Variants in CAMK2B observed in about 807,000 individuals in gnomAD.
The protein encoded by CAMK2B is calcium/calmodulin-dependent protein kinase type II subunit beta.
A neutral mutation model predicts 93.7 loss-of-function variants in CAMK2B; 27 were observed. The ratio of observed to expected loss-of-function variants is 0.29; its 90% confidence interval spans 0.21 to 0.40. The LOEUF (loss-of-function observed/expected upper bound fraction) is 0.40. Ranked by LOEUF, CAMK2B falls within the 10% of genes least tolerant of loss-of-function variation. The pLI, the probability that CAMK2B is intolerant of heterozygous loss-of-function variation, is 1.00. For missense variants in CAMK2B, 568 were observed against 895.8 expected, an observed-to-expected ratio of 0.63 and a Z score of 4.67; for synonymous variants, 374 against 358.8, an observed-to-expected ratio of 1.04 and a Z score of -0.48.
At chr7:44,304,808 C>A (rs1223270751) in intron 1 of CAMK2B, among the ~76,000 whole-genome samples, 1 of 152,016 alleles carries the variant, frequency 6.6e-6, no homozygotes, top group Non-Finnish European at 1.5e-5. Context: ...CAAACTAATG[C>A]CAGATGTTAA....
intron 10 of CAMK2B, 86 bp downstream of exon 10, chr7:44,242,132 C>T: frequency 1.4e-6 from 2 of 1,481,210 alleles, no homozygotes; most frequent in East Asian, 4.6e-5. Flanking sequence ...GGAACAGGAC[C>T]CTCTTGGGGT....
At chr7:44,270,383 C>A (rs74934471) in intron 2 of CAMK2B, among the ~76,000 whole-genome samples, 28 of 152,212 alleles carry the variant, frequency 1.8e-4, no homozygotes, top group African/African-American at 6.7e-4. Flanking sequence ...CTGGGGCTAC[C>A]TGGGGCTCTG....
intron 1 of CAMK2B, among the ~76,000 whole-genome samples, chr7:44,294,308 T>C (rs1204877235): frequency 1.3e-5 from 2 of 152,278 alleles, no homozygotes; most frequent in African/African-American, 4.8e-5. Context: ...CTGGGATGCA[T>C]GCTGCTGATG....
intron 12 of CAMK2B, among the ~76,000 whole-genome samples, chr7:44,240,279 G>C (rs1217509472): frequency 1.3e-5 from 2 of 152,180 alleles, no homozygotes; most frequent in Non-Finnish European, 2.9e-5. Context: ...AGCTCATCCA[G>C]AACTTGGAAG....
At chr7:44,262,363 G>A (rs1264340490) in intron 3 of CAMK2B, among the ~76,000 whole-genome samples, 1 of 152,208 alleles carries the variant, frequency 6.6e-6, no homozygotes, top group Non-Finnish European at 1.5e-5. Context: ...GGCAAGGCCT[G>A]GGCTCCAGGC....
At chr7:44,294,040 T>C (rs1437759200) in intron 1 of CAMK2B, among the ~76,000 whole-genome samples, 1 of 151,798 alleles carries the variant, frequency 6.6e-6, no homozygotes, top group African/African-American at 2.4e-5. Context: ...CAATCTGAGG[T>C]CGGGTGGGGT....
intron 1 of CAMK2B, among the ~76,000 whole-genome samples, chr7:44,324,144 C>T (rs1336021211): frequency 6.6e-6 from 1 of 152,240 alleles, no homozygotes; most frequent in African/African-American, 2.4e-5. Context: ...CCTCCAGCTC[C>T]GCACTCCACA....
In CAMK2B at chr7:44,218,717, CCT is replaced by C. The variant is rs2096363340; in HGVS notation, c.*806_*807del. 6.6e-6 allele frequency: 1 copy of C among 152,296 alleles called. No individual in the cohort carries two copies. The highest frequency in any genetic ancestry group is 1.5e-5 in the Non-Finnish European group (1 of 68,120). The allele number at this position is 152,296 out of a possible 1,614,324, so 9.4% of individuals were successfully genotyped here. On this transcript the variant is annotated 3_prime_UTR_variant, in exon 24 of 24. Transcript: ENST00000395749. ...GAGAGGCCCAAAACTAAGCTGTGCCCCTCTTTGCACTTTACTCCCCCAGAAGG... is the reference window on the plus strand; with the variant it reads ...GAGAGGCCCAAAACTAAGCTGTGCCCCTTTGCACTTTACTCCCCCAGAAGG...
chr7:44,235,158 C>T (rs2096614176), intron 13 of CAMK2B, among the ~76,000 whole-genome samples: 1 of 152,252 alleles, frequency 6.6e-6, no homozygotes, highest in Non-Finnish European at 1.5e-5. Flanking sequence ...ACTCAGAGGG[C>T]CTTGTCCCAG....
In CAMK2B at chr7:44,220,643, C is replaced by T. The variant is rs1327333288; in HGVS notation, c.1741G>A (p.Asp581Asn). The T allele has an allele frequency of 2.9e-5, 46 of 1,613,620 alleles. No homozygotes were observed. The highest frequency in any genetic ancestry group is 3.7e-5 in the Non-Finnish European group (44 of 1,179,938). ...EALGNLVEGM[D>N]FHRFYFENLL... is the part of the protein sequence containing the mutation. ...TTCTCGAAGTAGAATCTGTGGAAGT[C>T]CATCCCTTCAACCAGGTTGCCCAGT... The change falls in exon 22 of 24, where the codon GAC becomes AAC. Residue 581 changes from aspartate (D) to asparagine (N), a missense_variant. Asp to Asn is a conservative substitution (Grantham distance 23). Around this residue, in one of 4 missense-constraint regions of CAMK2B, gnomAD observed 116 missense variants for 188.0 expected, o/e 0.62. Transcript: ENST00000395749.
chr7:44,236,052 G>T (rs540796809), intron 13 of CAMK2B, among the ~76,000 whole-genome samples: 2 of 152,142 alleles, frequency 1.3e-5, no homozygotes, highest in Admixed American at 1.3e-4. Context: ...GGCCCACCCC[G>T]CCCTCCTGAG....
chr7:44,262,551 T>C (rs1291240266), intron 3 of CAMK2B, among the ~76,000 whole-genome samples: 1 of 152,182 alleles, frequency 6.6e-6, no homozygotes, highest in Non-Finnish European at 1.5e-5. Flanking sequence ...TCTTGTGGCT[T>C]TTCTTGAGGC....
At position 44,248,162 on chromosome 7, in the gene CAMK2B, T is replaced by C. The variant is rs1345626231; in HGVS notation, c.342-970A>G. Among the ~76,000 whole-genome samples the C allele has an allele frequency of 6.6e-6, 1 of 152,214 alleles. No homozygotes were observed. The highest frequency in any genetic ancestry group is 1.5e-5 in the Non-Finnish European group (1 of 68,024). ...GGATCTGAGGGGCTGGGCAGGGGGC[T>C]GTGTGTGCACAGCACTGAGCACACG... On this transcript the variant is annotated intron_variant, in intron 5 of 23. Transcript: ENST00000395749. This position sits in a 1 kb window ranked among gnomAD's most constrained non-coding sequence, Gnocchi z 4.1.
chr7:44,321,077 C>T (rs1009696736), intron 1 of CAMK2B, among the ~76,000 whole-genome samples: 4 of 152,172 alleles, frequency 2.6e-5, no homozygotes, highest in Admixed American at 6.5e-5. Context: ...CCAAGGCCCC[C>T]GAGGCAGGGA....
chr7:44,232,997 A>G, intron 15 of CAMK2B, 131 bp from the exon 16 acceptor site: 1 of 781,656 alleles, frequency 1.3e-6, no homozygotes, highest in South Asian at 1.5e-5. Flanking sequence ...AAAGAAGTGC[A>G]GAGCAGAGTG....
At position 44,220,759 on chromosome 7, in the gene CAMK2B, G is replaced by A. The variant is rs747198368; in HGVS notation, c.1674-49C>T. 8.3e-6 allele frequency: 13 copies of A among 1,571,952 alleles called. No homozygotes were observed. In the East Asian group the frequency reaches 2.6e-4, roughly 31 times the overall value. ...AGGGGCCCCGTGGACCCCTGACTCT[G>A]AGCAGGCCCCCCCAAGGGTCCCACA... On this transcript the variant is annotated intron_variant, in intron 21 of 23. Coordinates refer to ENST00000395749, the MANE Select transcript of CAMK2B (RefSeq NM_001220.5).
chr7:44,220,251 G>C lies in CAMK2B; in HGVS notation c.1812C>G (p.Asn604Lys). Residue 604 changes from asparagine to lysine, a missense_variant, in exon 23 of 24, where the codon AAC (asparagine) becomes AAG (lysine). Transcript: ENST00000395749. ...NSKPIHTTIL[N>K]PHVHVIGEDA... ...CCTCTCCAATGACGTGCACGTGTGG[G>C]TTCAGGATGGTCGTGTGGATCGGCT... The C allele has an allele frequency of 6.2e-7, 1 of 1,613,284 alleles. No homozygotes were observed. The highest frequency in any genetic ancestry group is 1.6e-4 in the Middle Eastern group (1 of 6,062).
intron 13 of CAMK2B, among the ~76,000 whole-genome samples, chr7:44,235,375 G>T (rs2096615896): frequency 6.6e-6 from 1 of 152,256 alleles, no homozygotes. Flanking sequence ...AGGATACTTG[G>T]TCCCAGCAGC....
intron 4 of CAMK2B, among the ~76,000 whole-genome samples, chr7:44,256,344 A>G (rs1443053715): frequency 6.6e-6 from 1 of 151,540 alleles, no homozygotes; most frequent in African/African-American, 2.4e-5. Context: ...TGTGCATGTG[A>G]GCACATGTGC....
Sources: allele counts gnomAD v4.1 joint callset (sites outside exome capture counted in the v4.1 genomes callset), GRCh38; gene constraint gnomAD v4.1.1; regional missense constraint gnomAD v4.1.1; non-coding constraint Gnocchi (gnomAD v3.1); transcripts MANE v1.5; gene names NCBI Gene and HGNC (gene_info 2026-07-23, HGNC 2026-07-21).